MIS18BP1: variants seen among roughly 807,000 people sequenced by gnomAD.
The protein encoded by MIS18BP1 is mis18-binding protein 1.
Under a neutral mutation model 116.1 loss-of-function variants are expected in MIS18BP1, and 72 were observed. The ratio of observed to expected loss-of-function variants is 0.62; its 90% CI spans 0.51 to 0.75. MIS18BP1 has a LOEUF of 0.75. Among genes scored for constraint, MIS18BP1 ranks in the 30% least tolerant of loss-of-function variants. The pLI is 0.00. For synonymous variants in MIS18BP1, 386 were observed against 427.0 expected, an observed-to-expected ratio of 0.90 and a Z score of 1.18; for missense variants, 1,363 against 1,303.2, an observed-to-expected ratio of 1.05 and a Z score of -0.71.
intron 6 of MIS18BP1, among the ~76,000 whole-genome samples, chr14:45,234,442 T>C (rs1891370316): frequency 6.6e-6 from 1 of 151,940 alleles, no homozygotes; most frequent in African/African-American, 2.4e-5. Context: ...GAGGCTGACA[T>C]AGACAGTAAC....
intron 7 of MIS18BP1, chr14:45,232,416 CAA>C (rs532665472): frequency 0.09 from 8,583 of 95,174 alleles, 298 homozygotes; most frequent in African/African-American, 0.25. Context: ...GATTCCATCT[CAA>C]AAAAAAAAAA....
chr14:45,231,340 C>A (rs1891273742), intron 7 of MIS18BP1, 42 bp from the exon 8 acceptor site: 1 of 1,462,238 alleles, frequency 6.8e-7, no homozygotes, highest in Admixed American at 2.3e-5. Flanking sequence ...TACTGATTCT[C>A]AAAAAAACAA....
chr14:45,231,313 A>G lies in MIS18BP1; in HGVS notation c.1437-15T>C. ...TTTCACCAGCCCTTTAAAAACAATT[A>G]TTTTATTTTTCCTTAATACTGATTC... On this transcript the variant is annotated splice_polypyrimidine_tract_variant and intron_variant, in intron 7 of 16. Transcript: ENST00000310806. 1 of 1,564,376 alleles carries G rather than the reference A, an allele frequency of 6.4e-7. No individual in the cohort carries two copies. The highest frequency in any genetic ancestry group is 8.6e-7 in the Non-Finnish European group (1 of 1,159,090).
At chr14:45,207,820 CAGAG>C (rs892839397) in intron 14 of MIS18BP1, among the ~76,000 whole-genome samples, 2 of 152,092 alleles carry the variant, frequency 1.3e-5, no homozygotes, top group African/African-American at 4.8e-5. Context: ...CTAGTAAAGT[CAGAG>C]AGAGTGAAGA....
At position 45,247,041 on chromosome 14, in the gene MIS18BP1, C is replaced by T. The variant is rs1891741168; in HGVS notation, c.246G>A (p.Glu82=). 6.2e-7 allele frequency: 1 copy of T among 1,613,338 alleles called. No individual in the cohort carries two copies. Among genetic ancestry groups the T allele is most frequent in the Non-Finnish European group, 8.5e-7 (1 of 1,179,872 alleles). The stretch of plus-strand genomic sequence containing the variant: ...CAAGAGAACTGTTAGAGGTAGTAGC[C>T]TCTGTTAGCATAGTTGATTGAAATA... ...KNIFQSTMLT[E]ATTSNSSLDI... The change falls in exon 2 of 17, where the codon GAG becomes GAA. Residue 82 remains glutamate (E), a synonymous_variant. Transcript: ENST00000310806.
At chr14:45,237,900 A>G (rs968891437) in intron 4 of MIS18BP1, among the ~76,000 whole-genome samples, 179 bp from the exon 5 acceptor site, 1 of 152,206 alleles carries the variant, frequency 6.6e-6, no homozygotes, top group African/African-American at 2.4e-5. Flanking sequence ...GTATACAATG[A>G]AACAGAAAAG....
Position 45,203,950 on chromosome 14 carries a change from G to T in MIS18BP1, c.*159C>A. 1 of 1,003,318 alleles carries T rather than the reference G, an allele frequency of 1.0e-6. No homozygotes were observed. 62.2% of individuals were successfully genotyped at this position (1,003,318 alleles called of 1,614,324 possible). A position where few individuals can be genotyped will look rare whatever the true frequency, so the allele number is the denominator to read the frequency against. On this transcript the variant is annotated 3_prime_UTR_variant, in exon 17 of 17. Coordinates refer to ENST00000310806, the MANE Select transcript of MIS18BP1 (RefSeq NM_018353.5). ...TACATTTTTAGTAAGCTGCAGCAAT[G>T]AGGATATTTTACTTTGAACACAAAC... is the stretch of plus-strand genomic sequence containing the variant.
chr14:45,246,908 G>T lies in MIS18BP1; in HGVS notation c.379C>A (p.Gln127Lys). The change falls in exon 2 of 17, where the codon CAA (glutamine) becomes AAA (lysine). Residue 127 changes from glutamine to lysine, a missense_variant. By Grantham distance (53) the Gln-to-Lys change is moderately conservative. Transcript: ENST00000310806. ...RMKEKVLRDK[Q>K]EQPSRNSSLL... is the part of the protein sequence containing the mutation. ...CTACTGTTTCTTGATGGCTGTTCTT[G>T]CTTGTCACGCAGTACTTTTTCTTTC... 6.2e-7 allele frequency: 1 copy of T among 1,608,424 alleles called. No homozygotes were observed.
intron 10 of MIS18BP1, 44 bp downstream of exon 10, chr14:45,226,699 G>C: frequency 1.6e-6 from 2 of 1,285,972 alleles, no homozygotes; most frequent in Non-Finnish European, 2.0e-6. Flanking sequence ...ATTTCACATA[G>C]TAGCTTTCTG....
intron 10 of MIS18BP1, among the ~76,000 whole-genome samples, chr14:45,225,432 T>G (rs1439003823): frequency 6.6e-6 from 1 of 152,120 alleles, no homozygotes; most frequent in African/African-American, 2.4e-5. Flanking sequence ...ACATATACAG[T>G]AGGCAATAAG....
chr14:45,237,625 G>T, intron 5 of MIS18BP1, 23 bp downstream of exon 5: 3 of 1,581,848 alleles, frequency 1.9e-6, no homozygotes, highest in Non-Finnish European at 2.6e-6. Flanking sequence ...TTTATTAAAA[G>T]AATAATGAAA....
At chr14:45,218,184 C>A in intron 12 of MIS18BP1, 98 bp downstream of exon 12, 1 of 1,254,924 alleles carries the variant, frequency 8.0e-7, no homozygotes, top group Non-Finnish European at 1.1e-6. Flanking sequence ...AAGAAAATAC[C>A]TATTAATATT....
intron 11 of MIS18BP1, among the ~76,000 whole-genome samples, chr14:45,223,403 C>T (rs749254335): frequency 6.6e-6 from 1 of 152,174 alleles, no homozygotes; most frequent in Non-Finnish European, 1.5e-5. Context: ...ATGGTGAAAC[C>T]TCATCTCTAC....
chr14:45,252,174 A>C (rs1251483564), intron 1 of MIS18BP1, among the ~76,000 whole-genome samples: 2 of 152,204 alleles, frequency 1.3e-5, no homozygotes, highest in Non-Finnish European at 1.5e-5. Flanking sequence ...ATTTACCAAC[A>C]GGCAACAGTC....
intron 4 of MIS18BP1, among the ~76,000 whole-genome samples, chr14:45,239,925 G>A (rs1566819140): frequency 6.6e-6 from 1 of 152,156 alleles, no homozygotes; most frequent in Non-Finnish European, 1.5e-5. Context: ...AAATACTGGG[G>A]CCAATGGTAT....
intron 13 of MIS18BP1, among the ~76,000 whole-genome samples, chr14:45,215,372 A>T: frequency 6.6e-6 from 1 of 152,208 alleles, no homozygotes; most frequent in Non-Finnish European, 1.5e-5. Context: ...TTGAATTTTT[A>T]TACTCAATAG....
intron 15 of MIS18BP1, among the ~76,000 whole-genome samples, chr14:45,205,372 A>AT (rs1890486213): frequency 6.6e-6 from 1 of 152,162 alleles, no homozygotes; most frequent in Non-Finnish European, 1.5e-5. Context: ...GGGGGTTCCC[A>AT]TAAGTTACCA....
chr14:45,223,909 A>C lies in MIS18BP1; in HGVS notation c.2669+9T>G, dbSNP rs1050057620. 1 of 1,543,022 alleles carries C rather than the reference A, an allele frequency of 6.5e-7. No individual in the cohort carries two copies. Among genetic ancestry groups the C allele is most frequent in the African/African-American group, 1.4e-5 (1 of 72,076 alleles). On this transcript the variant is annotated intron_variant, in intron 11 of 16. Coordinates refer to ENST00000310806, the MANE Select transcript of MIS18BP1 (RefSeq NM_018353.5). ...TGTAGATATTTCGGAATGAAATCTA[A>C]CTACTTACCAATGAAGTTTCTGTAA... is the stretch of plus-strand genomic sequence containing the variant.
chr14:45,251,036 C>CAAAAA, intron 1 of MIS18BP1, among the ~76,000 whole-genome samples: 1 of 59,256 alleles, frequency 1.7e-5, no homozygotes, highest in Middle Eastern at 0.01. Context: ...GACTCTGCCT[C>CAAAAA]AAAAAAAAAA....
Sources: gnomAD v4.1 joint callset for allele counts (sites outside exome capture counted in the v4.1 genomes callset) on GRCh38, gnomAD v4.1.1 for gene constraint, MANE v1.5 for transcripts, NCBI Gene and HGNC (gene_info 2026-07-23, HGNC 2026-07-21) for gene names.